Variants in FAM135B observed in about 807,000 individuals in gnomAD.
The protein encoded by FAM135B is protein FAM135B.
Under a neutral mutation model 127.7 loss-of-function variants are expected in FAM135B, and 43 were observed. That is an observed-to-expected ratio of 0.34 (90% CI 0.26 to 0.43). The LOEUF (loss-of-function observed/expected upper bound fraction) is 0.43, where lower values mean the gene tolerates loss of function less well. Among genes scored for constraint, FAM135B ranks in the 20% least tolerant of loss-of-function variants. FAM135B has a pLI of 1.00. For synonymous variants in FAM135B, 670 were observed against 665.1 expected, an observed-to-expected ratio of 1.01 and a Z score of -0.11; for missense variants, 1,558 against 1,725.6, an observed-to-expected ratio of 0.90 and a Z score of 1.72.
chr8:138,222,980 A>G (rs962337700), intron 7 of FAM135B, among the ~76,000 whole-genome samples: 3 of 152,150 alleles, frequency 2.0e-5, no homozygotes, highest in Non-Finnish European at 4.4e-5. Flanking sequence ...TGTCGGGGAC[A>G]TGAGCCTCCT....
chr8:138,227,719 T>C (rs868164907), intron 7 of FAM135B, among the ~76,000 whole-genome samples: 1 of 137,414 alleles, frequency 7.3e-6, no homozygotes, highest in East Asian at 2.0e-4. Context: ...TCTCTCTTTT[T>C]TTTTTTTTTT....
At position 138,148,523 on chromosome 8, in the gene FAM135B, C is replaced by T. The variant is rs747302429; in HGVS notation, c.3445G>A (p.Asp1149Asn). Residue 1149 changes from aspartate (D) to asparagine (N), a missense_variant, in exon 14 of 20, where the codon GAT (aspartate) becomes AAT (asparagine). This residue lies in a region of FAM135B where 194 missense variants were observed against 333.8 expected (regional missense o/e 0.58). Transcript: ENST00000395297. ...GAAAACTTGTTTTAGAACTCACCAT[C>T]CAGGCCATGGACACAGACAACCAGG... ...IHLVVCVHGL[D>N]GNSADLRLVK... is the part of the protein sequence containing the mutation. 28 of 1,613,608 alleles carry T rather than the reference C, an allele frequency of 1.7e-5. No individual in the cohort carries two copies. Among genetic ancestry groups the T allele is most frequent in the Non-Finnish European group, 2.3e-5 (27 of 1,179,816 alleles).
chr8:138,484,233 T>C (rs1332654072), intron 1 of FAM135B, among the ~76,000 whole-genome samples: 1 of 152,188 alleles, frequency 6.6e-6, no homozygotes, highest in East Asian at 1.9e-4. Context: ...CTCCTCCAAG[T>C]TAAACAGGAG....
At chr8:138,453,012 T>C (rs1489550950) in intron 1 of FAM135B, among the ~76,000 whole-genome samples, 1 of 152,152 alleles carries the variant, frequency 6.6e-6, no homozygotes, top group African/African-American at 2.4e-5. Context: ...ATGACTTATG[T>C]GGGTTAATGT....
rs1465654356 is a variant in FAM135B at position 138,420,875 on chromosome 8, C to T, written c.-19-52873G>A. Among the ~76,000 whole-genome samples, 6 of 152,208 alleles carry T rather than the reference C, an allele frequency of 3.9e-5. No homozygotes were observed. In the South Asian group the frequency reaches 1.0e-3, roughly 26 times the overall value. On this transcript the variant is annotated intron_variant, in intron 1 of 19. Transcript: ENST00000395297. Reference sequence around the variant, plus strand: ...ACAAGAGATGTCTAAGGCAAACCTACAAGCCAACATAATTCTGAATGGGCA... The same window carrying T: ...ACAAGAGATGTCTAAGGCAAACCTATAAGCCAACATAATTCTGAATGGGCA...
At chr8:138,244,583 A>T (rs1821139283) in intron 6 of FAM135B, among the ~76,000 whole-genome samples, 1 of 152,224 alleles carries the variant, frequency 6.6e-6, no homozygotes, top group Non-Finnish European at 1.5e-5. Flanking sequence ...TGCTAATACC[A>T]CACATATAAT....
At chr8:138,379,782 G>A (rs1831726666) in intron 1 of FAM135B, among the ~76,000 whole-genome samples, 1 of 152,158 alleles carries the variant, frequency 6.6e-6, no homozygotes, top group African/African-American at 2.4e-5. Flanking sequence ...TGAGGTTGGG[G>A]GAGGTTTCAA....
At chr8:138,477,962 T>A (rs1814589341) in intron 1 of FAM135B, among the ~76,000 whole-genome samples, 1 of 152,154 alleles carries the variant, frequency 6.6e-6, no homozygotes, top group Non-Finnish European at 1.5e-5. Flanking sequence ...GAAGAGATCC[T>A]GGGAAGCCTG....
chr8:138,299,943 C>A (rs921460061), intron 3 of FAM135B, among the ~76,000 whole-genome samples: 1 of 151,624 alleles, frequency 6.6e-6, no homozygotes, highest in Non-Finnish European at 1.5e-5. Flanking sequence ...GAAGTGGGAT[C>A]ACCAAAAGTG....
At chr8:138,458,368 T>G (rs2131608603) in intron 1 of FAM135B, among the ~76,000 whole-genome samples, 1 of 152,166 alleles carries the variant, frequency 6.6e-6, no homozygotes, top group South Asian at 2.1e-4. Flanking sequence ...CTGTCAGGAG[T>G]CAAAATGACA....
intron 3 of FAM135B, among the ~76,000 whole-genome samples, chr8:138,298,627 G>A (rs549884841): frequency 2.6e-5 from 4 of 152,224 alleles, no homozygotes; most frequent in South Asian, 2.1e-4. Flanking sequence ...TAAGAAGTCT[G>A]GATTTTTTTT....
At chr8:138,484,025 C>T (rs755486491) in intron 1 of FAM135B, among the ~76,000 whole-genome samples, 6 of 152,100 alleles carry the variant, frequency 3.9e-5, no homozygotes, top group Admixed American at 2.0e-4. Context: ...TCAAGAAAGT[C>T]AATAAAGTAT....
At chr8:138,200,124 T>A (rs1170107603) in intron 7 of FAM135B, among the ~76,000 whole-genome samples, 1 of 152,222 alleles carries the variant, frequency 6.6e-6, no homozygotes, top group East Asian at 1.9e-4. Context: ...AGACCCTCTG[T>A]AGAACTTTAC....
chr8:138,312,547 A>C (rs1004820784), intron 2 of FAM135B, among the ~76,000 whole-genome samples: 1 of 152,096 alleles, frequency 6.6e-6, no homozygotes, highest in African/African-American at 2.4e-5. Context: ...AAATTATACA[A>C]AAAAAAGCCC....
At chr8:138,335,098 T>G (rs1410706715) in intron 2 of FAM135B, among the ~76,000 whole-genome samples, 2 of 152,224 alleles carry the variant, frequency 1.3e-5, no homozygotes, top group South Asian at 4.1e-4. Context: ...ACTGTGATTT[T>G]TTGTTCAACA....
chr8:138,449,799 T>C (rs901894447), intron 1 of FAM135B, among the ~76,000 whole-genome samples: 1 of 152,156 alleles, frequency 6.6e-6, no homozygotes, highest in African/African-American at 2.4e-5. Flanking sequence ...TTACAACTGA[T>C]GAAACTGCAG....
intron 6 of FAM135B, among the ~76,000 whole-genome samples, chr8:138,246,517 G>A (rs1401103980): frequency 6.6e-6 from 1 of 152,186 alleles, no homozygotes; most frequent in African/African-American, 2.4e-5. Context: ...TGTTGAGCCT[G>A]CAGGTGCACA....
chr8:138,404,219 A>T (rs907977082), intron 1 of FAM135B, among the ~76,000 whole-genome samples: 1 of 152,214 alleles, frequency 6.6e-6, no homozygotes, highest in African/African-American at 2.4e-5. Context: ...TGCATATAAA[A>T]GTTATGTTCG....
chr8:138,322,897 C>T (rs1827546713), intron 2 of FAM135B, among the ~76,000 whole-genome samples: 1 of 152,180 alleles, frequency 6.6e-6, no homozygotes, highest in South Asian at 2.1e-4. Flanking sequence ...CTGCAAAGTC[C>T]TGCCAATAAA....
Sources: gnomAD v4.1 joint callset for allele counts (sites outside exome capture counted in the v4.1 genomes callset) on GRCh38, gnomAD v4.1.1 for gene constraint, gnomAD v4.1.1 regional missense constraint, MANE v1.5 for transcripts, NCBI Gene and HGNC (gene_info 2026-07-23, HGNC 2026-07-21) for gene names.